The following GOLGA3 variants were observed in gnomAD, a reference collection of about 807,000 sequenced individuals.
GOLGA3 encodes the protein golgin subfamily A member 3.
Under a neutral mutation model 169.4 loss-of-function variants are expected in GOLGA3, and 75 were observed. That is an observed-to-expected ratio of 0.44 (90% CI 0.37 to 0.54). The LOEUF is 0.54. Among genes scored for constraint, GOLGA3 ranks in the 20% least tolerant of loss-of-function variants. GOLGA3 has a pLI of 0.00. For missense variants in GOLGA3, 1,899 were observed against 1,930.0 expected, an observed-to-expected ratio of 0.98 and a Z score of 0.30; for synonymous variants, 824 against 822.4, an observed-to-expected ratio of 1.00 and a Z score of -0.03.
At chr12:132,824,750 C>T (rs1251295573) in intron 1 of GOLGA3, among the ~76,000 whole-genome samples, 1 of 152,048 alleles carries the variant, frequency 6.6e-6, no homozygotes, top group Non-Finnish European at 1.5e-5. Context: ...GATAAATGGG[C>T]CTTAGAGCCT....
chr12:132,781,680 G>T (rs1226081850), intron 17 of GOLGA3, among the ~76,000 whole-genome samples: 1 of 152,162 alleles, frequency 6.6e-6, no homozygotes, highest in East Asian at 1.9e-4. Flanking sequence ...ATGGAACTAA[G>T]ATGGGATAGT....
Position 132,813,325 on chromosome 12 carries a change from C to T in GOLGA3, c.501G>A (p.Val167=). Residue 167 remains valine (V), a synonymous_variant, in exon 4 of 24, where the codon GTG becomes GTA. Transcript: ENST00000450791. ...GACTCACCCTCTCCTGCTGGCGCTT[C>T]ACCCTGTACTGTTTGAGCTGCTCTT... is the stretch of plus-strand genomic sequence containing the variant. ...WLEEQLKQYR[V]KRQQERSSQP... 1 of 1,611,732 alleles carries T rather than the reference C, an allele frequency of 6.2e-7. No individual in the cohort carries two copies. The highest frequency in any genetic ancestry group is 1.3e-5 in the African/African-American group (1 of 74,986).
intron 11 of GOLGA3, among the ~76,000 whole-genome samples, chr12:132,795,203 A>G (rs1043777231): frequency 6.6e-6 from 1 of 151,786 alleles, no homozygotes; most frequent in African/African-American, 2.4e-5. Context: ...AAAAAAAAGA[A>G]AAAAGGGGTC....
Position 132,822,001 on chromosome 12 carries a change from A to T in GOLGA3, c.128T>A (p.Val43Asp). ...PLVPPDQQDK[V>D]QCAEVNRAST... ...AGAGGAACCTCACGACTTACACTGG[A>T]CTTTGTCCTGCTGGTCAGGTGGCAC... Residue 43 changes from valine to aspartate, a missense_variant, in exon 2 of 24, where the codon GTC becomes GAC. Coordinates refer to ENST00000450791, the MANE Select transcript of GOLGA3 (RefSeq NM_001389683.1). 6.2e-7 allele frequency: 1 copy of T among 1,605,402 alleles called. No homozygotes were observed.
chr12:132,816,509 G>A, intron 3 of GOLGA3, 31 bp downstream of exon 3: 2 of 1,603,944 alleles, frequency 1.2e-6, no homozygotes, highest in Non-Finnish European at 8.5e-7. Flanking sequence ...CGGACGTGGA[G>A]GGTGGGAAAA....
intron 15 of GOLGA3, among the ~76,000 whole-genome samples, chr12:132,785,400 T>G (rs573817787): frequency 6.6e-6 from 1 of 152,250 alleles, no homozygotes; most frequent in South Asian, 2.1e-4. Flanking sequence ...CAGCCTCACC[T>G]CCCAGGCTGA....
chr12:132,783,827 C>T (rs1348196571), intron 16 of GOLGA3: 3 of 1,166,172 alleles, frequency 2.6e-6, no homozygotes, highest in Admixed American at 6.5e-5. Context: ...CCGCCCACCT[C>T]AGCCTCCCAA....
chr12:132,775,363 A>T, intron 21 of GOLGA3, 58 bp from the exon 22 acceptor site: 2 of 1,472,826 alleles, frequency 1.4e-6, no homozygotes, highest in Non-Finnish European at 1.9e-6. Context: ...TCCTGCCAAG[A>T]TCCGAGTTTG....
intron 16 of GOLGA3, 43 bp from the exon 17 acceptor site, chr12:132,782,536 A>T: frequency 6.9e-7 from 1 of 1,457,936 alleles, no homozygotes; most frequent in Non-Finnish European, 9.6e-7. Flanking sequence ...TGCACTGGTG[A>T]GTGGAGTTCA....
chr12:132,789,261 G>A lies in GOLGA3; in HGVS notation c.2577C>T (p.Ala859=), dbSNP rs768458111. 1.8e-5 allele frequency: 29 copies of A among 1,602,948 alleles called. No homozygotes were observed. The highest frequency in any genetic ancestry group is 2.3e-5 in the Non-Finnish European group (27 of 1,178,828). Residue 859 remains alanine (A), a synonymous_variant, in exon 13 of 24, where the codon GCC becomes GCT. Transcript: ENST00000450791. ...CACTGATGAGCTGGTCTTTGGAGGT[G>A]GCGTCGCGCCGGTAGGCCTCCACCA... The part of the protein sequence containing the change: ...KVMVEAYRRD[A]TSKDQLISEL...
chr12:132,826,914 A>T (rs1470899293), intron 1 of GOLGA3, among the ~76,000 whole-genome samples: 1 of 152,236 alleles, frequency 6.6e-6, no homozygotes, highest in Admixed American at 6.5e-5. Flanking sequence ...TCTATTTTAA[A>T]TAAAGAGGCC....
intron 11 of GOLGA3, 83 bp downstream of exon 11, chr12:132,795,769 G>A (rs1948797089): frequency 2.2e-6 from 3 of 1,346,998 alleles, no homozygotes; most frequent in African/African-American, 1.5e-5. Context: ...AAAAAAAAAA[G>A]AAAGAAAGAA....
intron 2 of GOLGA3, among the ~76,000 whole-genome samples, chr12:132,820,460 G>T (rs1297310938): frequency 6.6e-6 from 1 of 152,182 alleles, no homozygotes; most frequent in Non-Finnish European, 1.5e-5. Context: ...CACGGCCGCG[G>T]GTCTCAGAAC....
Position 132,788,541 on chromosome 12 carries a change from G to T in GOLGA3, c.2811+486C>A, listed in dbSNP as rs182434002. 2.6e-4 allele frequency among the ~76,000 whole-genome samples: 39 copies of T among 152,252 alleles called. No homozygotes were observed. The East Asian group carries it at 7.5e-3, about 29-fold the overall frequency. The stretch of plus-strand genomic sequence containing the variant: ...CCACTGTGTGCAGAAGCCAGCCCAG[G>T]CTCAGCTTCCACAGGAACATGACTA... On this transcript the variant is annotated intron_variant, in intron 13 of 23. Transcript: ENST00000450791.
chr12:132,778,922 G>A (rs1390531113), intron 18 of GOLGA3, among the ~76,000 whole-genome samples: 2 of 151,864 alleles, frequency 1.3e-5, no homozygotes, highest in Non-Finnish European at 1.5e-5. Flanking sequence ...AAAATTCAGT[G>A]AACCCTAAGC....
At position 132,784,151 on chromosome 12, in the gene GOLGA3, G is replaced by A. The variant is rs779703685; in HGVS notation, c.3267+13C>T. 5.6e-6 allele frequency: 9 copies of A among 1,605,346 alleles called. No homozygotes were observed. The highest frequency in any genetic ancestry group is 2.2e-5 in the East Asian group (1 of 44,880). Reference sequence around the variant, plus strand: ...GCCCCACGCTGCCGCCACAGCAGATGGCCAGGCCTCACCTCGTCCTCCAGC... The same window carrying A: ...GCCCCACGCTGCCGCCACAGCAGATAGCCAGGCCTCACCTCGTCCTCCAGC... On this transcript the variant is annotated intron_variant, in intron 16 of 23. Coordinates refer to ENST00000450791, the MANE Select transcript of GOLGA3 (RefSeq NM_001389683.1).
intron 11 of GOLGA3, among the ~76,000 whole-genome samples, chr12:132,792,432 G>A (rs1472543570): frequency 6.6e-6 from 1 of 152,256 alleles, no homozygotes; most frequent in African/African-American, 2.4e-5. Flanking sequence ...AGAACCCGGT[G>A]TTGGGCTGCG....
intron 2 of GOLGA3, among the ~76,000 whole-genome samples, chr12:132,821,650 C>A (rs562097672): frequency 7.9e-5 from 12 of 151,880 alleles, no homozygotes; most frequent in South Asian, 2.1e-4. Flanking sequence ...GTCAGGAGAT[C>A]GAGACCATCT....
chr12:132,825,801 T>A lies in GOLGA3; in HGVS notation c.-184+3002A>T, dbSNP rs879211422. 4.8e-6 allele frequency: 6 copies of A among 1,246,226 alleles called. No individual in the cohort carries two copies. The African/African-American group carries it at 9.0e-5, about 19-fold the overall frequency. 77.2% of individuals were successfully genotyped at this position (1,246,226 alleles called of 1,614,324 possible). On this transcript the variant is annotated intron_variant, in intron 1 of 23. Transcript: ENST00000450791. ...GGAGAAACTGGCAAGGAGAAGCTCC[T>A]GCGGTACTACAAGAACATTGGTCTG...
Sources: gnomAD v4.1 joint callset for allele counts (sites outside exome capture counted in the v4.1 genomes callset) on GRCh38, gnomAD v4.1.1 for gene constraint, MANE v1.5 for transcripts, NCBI Gene and HGNC (gene_info 2026-07-23, HGNC 2026-07-21) for gene names.